The following MNAT1 variants were observed in gnomAD, a reference collection of about 807,000 sequenced individuals.
MNAT1 encodes the protein MNAT1 component of CDK activating kinase, also known as CDK-activating kinase assembly factor MAT1.
MNAT1 carries 43 observed loss-of-function variants against 42.0 expected under a neutral mutation model. The observed-to-expected ratio is 1.02, with a 90% CI of 0.80 to 1.32. The LOEUF is 1.32. MNAT1 is among the 40% of genes most tolerant of loss of function. The probability of loss-of-function intolerance (pLI) is 0.00; values close to 1 mark genes in which losing one functional copy is unlikely to be tolerated. For missense variants in MNAT1, 306 were observed against 350.4 expected (o/e 0.87, Z 1.01); for synonymous variants, 118 against 120.0 (o/e 0.98, Z 0.11).
intron 6 of MNAT1, among the ~76,000 whole-genome samples, chr14:60,822,697 G>A (rs1214491167): frequency 6.6e-6 from 1 of 151,438 alleles, no homozygotes; most frequent in Non-Finnish European, 1.5e-5. Flanking sequence ...GAACGCCTCA[G>A]CCTTCGAAAG....
chr14:60,906,850 G>A (rs538350450), intron 7 of MNAT1, among the ~76,000 whole-genome samples: 27 of 152,154 alleles, frequency 1.8e-4, no homozygotes, highest in Admixed American at 1.4e-3. Flanking sequence ...AAATCTAATA[G>A]TATATATGTA....
At chr14:60,923,781 C>T (rs2035710302) in intron 7 of MNAT1, among the ~76,000 whole-genome samples, 1 of 152,006 alleles carries the variant, frequency 6.6e-6, no homozygotes, top group South Asian at 2.1e-4. Context: ...GAGTTTGAGA[C>T]CAGCTTGGGC....
intron 1 of MNAT1, among the ~76,000 whole-genome samples, chr14:60,786,239 G>C (rs1488547840): frequency 6.6e-6 from 1 of 152,036 alleles, no homozygotes; most frequent in African/African-American, 2.4e-5. Context: ...TCAAGAGAAA[G>C]AGGTAGAAAA....
rs1448492651 is a variant in MNAT1, at chr14:60,747,002, T to G, written c.89+12051T>G. On this transcript the variant is annotated intron_variant, in intron 1 of 7. Coordinates refer to ENST00000261245, the MANE Select transcript of MNAT1 (RefSeq NM_002431.4). ...CAAAATTATGTCTTTTTTTTTTTTT[T>G]TGAGACAGAGTCTCGCTCTGTCGCC... 1.0e-3 allele frequency among the ~76,000 whole-genome samples: 140 copies of G among 134,798 alleles called. 1 individual carries two copies. Among genetic ancestry groups the G allele is most frequent in the Middle Eastern group, 3.7e-3 (1 of 268 alleles). 88.4% of individuals were successfully genotyped at this position (134,798 alleles called of 152,430 possible).
At chr14:60,809,537 T>C (rs998580660) in intron 4 of MNAT1, among the ~76,000 whole-genome samples, 1 of 152,122 alleles carries the variant, frequency 6.6e-6, no homozygotes, top group Admixed American at 6.5e-5. Flanking sequence ...ACCCCAGGTG[T>C]TGGTATTACA....
intron 6 of MNAT1, among the ~76,000 whole-genome samples, chr14:60,824,092 G>A (rs2032984347): frequency 1.3e-5 from 2 of 152,122 alleles, no homozygotes; most frequent in Non-Finnish European, 2.9e-5. Flanking sequence ...GGGCGGCAGA[G>A]GTTGCAGTAA....
intron 7 of MNAT1, among the ~76,000 whole-genome samples, chr14:60,911,179 G>A (rs542175678): frequency 1.1e-3 from 166 of 151,944 alleles, no homozygotes; most frequent in Non-Finnish European, 1.5e-3. Context: ...TATCCCCTTT[G>A]TCATTTTTTA....
intron 6 of MNAT1, among the ~76,000 whole-genome samples, chr14:60,837,530 T>C (rs1023714971): frequency 2.0e-5 from 3 of 152,200 alleles, no homozygotes; most frequent in African/African-American, 7.2e-5. Context: ...CTGCTTTGGC[T>C]CACCCTCCAT....
chr14:60,793,546 A>G (rs1594757614), intron 1 of MNAT1, among the ~76,000 whole-genome samples: 1 of 151,840 alleles, frequency 6.6e-6, no homozygotes, highest in Admixed American at 6.6e-5. Flanking sequence ...TTAAATTTTT[A>G]TATTTTGTAG....
intron 7 of MNAT1, among the ~76,000 whole-genome samples, chr14:60,946,006 C>T (rs974075645): frequency 2.6e-5 from 4 of 152,220 alleles, no homozygotes; most frequent in Non-Finnish European, 5.9e-5. Context: ...ACATTGCTAA[C>T]TCCTTCTGTC....
At chr14:60,780,389 A>G (rs2031414552) in intron 1 of MNAT1, 2 of 1,566,794 alleles carry the variant, frequency 1.3e-6, no homozygotes, top group Non-Finnish European at 8.8e-7. Flanking sequence ...GATCACAGCT[A>G]CAGTGACATT....
At chr14:60,941,283 G>T (rs1173315898) in intron 7 of MNAT1, among the ~76,000 whole-genome samples, 1 of 152,120 alleles carries the variant, frequency 6.6e-6, no homozygotes, top group Non-Finnish European at 1.5e-5. Flanking sequence ...TTGTATTAAT[G>T]AATTTATGGT....
intron 6 of MNAT1, among the ~76,000 whole-genome samples, chr14:60,863,091 G>A (rs910765089): frequency 2.0e-5 from 3 of 152,048 alleles, no homozygotes; most frequent in East Asian, 1.9e-4. Context: ...CAAAGAAAAT[G>A]CAGTCTTATA....
chr14:60,872,792 G>T (rs1453427247), intron 6 of MNAT1, among the ~76,000 whole-genome samples: 1 of 148,740 alleles, frequency 6.7e-6, no homozygotes, highest in East Asian at 2.0e-4. Context: ...CTAATACCTA[G>T]ATTCAATAAT....
At chr14:60,912,649 C>T (rs2035399210) in intron 7 of MNAT1, among the ~76,000 whole-genome samples, 1 of 152,074 alleles carries the variant, frequency 6.6e-6, no homozygotes, top group Non-Finnish European at 1.5e-5. Flanking sequence ...GAATATTGGC[C>T]CCCACTGTCT....
intron 6 of MNAT1, among the ~76,000 whole-genome samples, chr14:60,858,364 A>C (rs2139429305): frequency 6.6e-6 from 1 of 150,604 alleles, no homozygotes; most frequent in Admixed American, 6.6e-5. Flanking sequence ...TTGGCTGCAT[A>C]AATGTCTTGT....
chr14:60,963,964 C>G (rs774454426), intron 7 of MNAT1, among the ~76,000 whole-genome samples: 2 of 152,128 alleles, frequency 1.3e-5, no homozygotes, highest in Non-Finnish European at 2.9e-5. Flanking sequence ...TGCCCTCTGC[C>G]CCTAGCTGAG....
intron 7 of MNAT1, among the ~76,000 whole-genome samples, chr14:60,889,260 C>G (rs2034771035): frequency 6.6e-6 from 1 of 152,140 alleles, no homozygotes; most frequent in Non-Finnish European, 1.5e-5. Flanking sequence ...AGATATAGAT[C>G]AATGGAACAG....
chr14:60,799,924 C>G (rs2032149050), intron 3 of MNAT1, among the ~76,000 whole-genome samples: 1 of 152,020 alleles, frequency 6.6e-6, no homozygotes, highest in African/African-American at 2.4e-5. Context: ...AGTGATTCTG[C>G]TATTATGTGT....
Sources: allele counts gnomAD v4.1 joint callset (sites outside exome capture counted in the v4.1 genomes callset), GRCh38; gene constraint gnomAD v4.1.1; transcripts MANE v1.5; gene names NCBI Gene and HGNC (gene_info 2026-07-23, HGNC 2026-07-21).